The following PCDHA13 variants were observed in gnomAD, a reference collection of about 807,000 sequenced individuals.
PCDHA13 encodes protocadherin alpha 13, also known as protocadherin alpha-13.
In PCDHA13, 54 loss-of-function variants were observed where a neutral mutation model predicts 64.8. The observed-to-expected ratio is 0.83, with a 90% confidence interval of 0.67 to 1.04. The LOEUF is 1.04. Ranked by LOEUF, PCDHA13 falls within the 50% of genes least tolerant of loss-of-function variation. The probability of loss-of-function intolerance (pLI) is 0.00; values close to 1 mark genes in which losing one functional copy is unlikely to be tolerated. For missense variants in PCDHA13, 1,248 were observed against 1,254.3 expected (o/e 0.99, Z 0.08); for synonymous variants, 587 against 564.4 (o/e 1.04, Z -0.57).
At chr5:140,978,222 G>A (rs997273847) in intron 1 of PCDHA13, among the ~76,000 whole-genome samples, 7 of 152,298 alleles carry the variant, frequency 4.6e-5, no homozygotes, top group East Asian at 1.9e-4. Context: ...AATGTATCAG[G>A]TTTTTCTTGG....
intron 1 of PCDHA13, among the ~76,000 whole-genome samples, chr5:140,886,185 G>A (rs2060887176): frequency 6.6e-6 from 1 of 152,072 alleles, no homozygotes; most frequent in African/African-American, 2.4e-5. Context: ...CCTAATGCTG[G>A]CAAGCAGTAA....
Position 140,883,458 on chromosome 5 carries a change from T to G in PCDHA13, c.1190T>G (p.Leu397Arg), listed in dbSNP as rs1315500498. ...CTLTPHVPFK[L>R]VSTYKNYYSL... ...TTGACGCCGCATGTCCCCTTCAAGC[T>G]GGTGTCCACCTACAAGAACTACTAC... The change falls in exon 1 of 4, where the codon CTG (leucine) becomes CGG (arginine). Residue 397 changes from leucine to arginine, a missense_variant. Physicochemically the swap from Leu to Arg is moderately radical, Grantham distance 102 (BLOSUM62 -2). Coordinates refer to ENST00000289272, the MANE Select transcript of PCDHA13 (RefSeq NM_018904.3). 13 of 1,614,058 alleles carry G rather than the reference T, an allele frequency of 8.1e-6. No individual in the cohort carries two copies. Among genetic ancestry groups the G allele is most frequent in the Non-Finnish European group, 1.1e-5 (13 of 1,180,042 alleles).
At position 140,978,793 on chromosome 5, in the gene PCDHA13, A is replaced by G. The variant is rs1241254692; in HGVS notation, c.2395-156A>G. 4.1e-6 allele frequency: 4 copies of G among 977,674 alleles called. No individual in the cohort carries two copies. In the African/African-American group the frequency reaches 7.0e-5, roughly 17 times the overall value. The allele number at this position is 977,674 out of a possible 1,614,324, so 60.6% of individuals were successfully genotyped here. On this transcript the variant is annotated intron_variant, in intron 1 of 3. Coordinates refer to ENST00000289272, the MANE Select transcript of PCDHA13 (RefSeq NM_018904.3). ...CTAATTTTCTTCTAAAGTGCTATAT[A>G]TGTAGATATCATCATAGAGTTACAC... is the stretch of plus-strand genomic sequence containing the variant.
chr5:140,905,632 G>GCCA (rs2071986222), intron 1 of PCDHA13, among the ~76,000 whole-genome samples: 1 of 152,106 alleles, frequency 6.6e-6, no homozygotes, highest in South Asian at 2.1e-4. Flanking sequence ...TGACAGTATG[G>GCCA]TCAGTTTCAC....
At chr5:140,941,210 TC>T (rs2092849552) in intron 1 of PCDHA13, among the ~76,000 whole-genome samples, 1 of 100,630 alleles carries the variant, frequency 9.9e-6, no homozygotes, top group African/African-American at 5.4e-5. Flanking sequence ...TTCCTTTCTT[TC>T]TTCCTTTCTT....
At chr5:140,886,680 G>A (rs1554182653) in intron 1 of PCDHA13, among the ~76,000 whole-genome samples, 1 of 151,946 alleles carries the variant, frequency 6.6e-6, no homozygotes, top group Non-Finnish European at 1.5e-5. Flanking sequence ...ACAAAAATTA[G>A]CGAGGCATGG....
chr5:140,939,388 A>C, intron 1 of PCDHA13, among the ~76,000 whole-genome samples: 1 of 152,232 alleles, frequency 6.6e-6, no homozygotes, highest in East Asian at 1.9e-4. Context: ...CATTCAGATC[A>C]TAGCAAGTTT....
intron 1 of PCDHA13, among the ~76,000 whole-genome samples, chr5:140,964,203 C>T (rs2095816993): frequency 6.6e-6 from 1 of 152,212 alleles, no homozygotes; most frequent in African/African-American, 2.4e-5. Context: ...TATACCATCT[C>T]TTTAGTACAA....
Position 141,009,718 on chromosome 5 carries a change from A to C in PCDHA13, c.2634A>C (p.Gln878His). The change falls in exon 4 of 4, where the codon CAA becomes CAC. Residue 878 changes from glutamine to histidine, a missense_variant. Coordinates refer to ENST00000289272, the MANE Select transcript of PCDHA13 (RefSeq NM_018904.3). Reference protein sequence around the residue: ...TFKYGPGNPKQSGPGELPDKF... With the variant: ...TFKYGPGNPKHSGPGELPDKF... Reference sequence around the variant, plus strand: ...AATACGGACCAGGCAACCCCAAACAATCCGGTCCCGGTGAGTTGCCCGACA... The same window carrying C: ...AATACGGACCAGGCAACCCCAAACACTCCGGTCCCGGTGAGTTGCCCGACA... 6.2e-7 allele frequency: 1 copy of C among 1,614,044 alleles called. No individual in the cohort carries two copies. Among genetic ancestry groups the C allele is most frequent in the Non-Finnish European group, 8.5e-7 (1 of 1,180,018 alleles).
chr5:140,915,771 G>T (rs1351294387), intron 1 of PCDHA13, among the ~76,000 whole-genome samples: 1 of 151,922 alleles, frequency 6.6e-6, no homozygotes, highest in Non-Finnish European at 1.5e-5. Flanking sequence ...TCTTGTCCAA[G>T]GCCTGCTGTA....
chr5:141,009,953 A>G lies in PCDHA13; in HGVS notation c.*16A>G, dbSNP rs782663496. 3 of 1,592,888 alleles carry G rather than the reference A, an allele frequency of 1.9e-6. No homozygotes were observed. Among genetic ancestry groups the G allele is most frequent in the Non-Finnish European group, 2.6e-6 (3 of 1,172,546 alleles). On this transcript the variant is annotated 3_prime_UTR_variant, in exon 4 of 4. Transcript: ENST00000289272. ...TGACCAGTGAGGTCCTCAAATGGAA[A>G]CAAGCCACTTAGCCAGTTTTTGTAA...
chr5:140,967,299 G>T, intron 1 of PCDHA13: 3 of 1,612,674 alleles, frequency 1.9e-6, no homozygotes, highest in Non-Finnish European at 2.5e-6. Flanking sequence ...CCCGACGTGG[G>T]CGCCAACTCA....
intron 1 of PCDHA13, among the ~76,000 whole-genome samples, chr5:140,961,479 C>A (rs2095615905): frequency 6.6e-6 from 1 of 152,108 alleles, no homozygotes; most frequent in Admixed American, 6.6e-5. Context: ...TTTGTCTTGT[C>A]CACGTGAGTA....
chr5:140,966,541 G>A (rs2096018356), intron 1 of PCDHA13: 2 of 462,844 alleles, frequency 4.3e-6, no homozygotes, highest in Admixed American at 4.3e-5. Context: ...TGAGCGACTC[G>A]GAGGCGAGCG....
rs1588262423 is a variant in PCDHA13 at position 141,011,885 on chromosome 5, T to C, written c.*1948T>C. 1 of 153,482 alleles carries C rather than the reference T, an allele frequency of 6.5e-6. No homozygotes were observed. The highest frequency in any genetic ancestry group is 1.9e-4 in the East Asian group (1 of 5,202). 9.5% of individuals were successfully genotyped at this position (153,482 alleles called of 1,614,324 possible). ...ATAATGTACAATTTAGAAGTTTGATTAATTATATTATCTATTTAGGCATTA... is the reference window on the plus strand; with the variant it reads ...ATAATGTACAATTTAGAAGTTTGATCAATTATATTATCTATTTAGGCATTA... On this transcript the variant is annotated 3_prime_UTR_variant, in exon 4 of 4. Transcript: ENST00000289272.
At chr5:140,920,133 C>T (rs1463322279) in intron 1 of PCDHA13, among the ~76,000 whole-genome samples, 1 of 152,178 alleles carries the variant, frequency 6.6e-6, no homozygotes, top group African/African-American at 2.4e-5. Flanking sequence ...AGTTTTAATT[C>T]TCCTCTCCAA....
Position 140,924,253 on chromosome 5 carries a change from A to T in PCDHA13, c.2394+39591A>T, listed in dbSNP as rs550218351. ...ATGGGCTGTTTTGCATCCTGGTGAGATCTAATGAGGTCTGTACTTGTGACT... is the reference window on the plus strand; with the variant it reads ...ATGGGCTGTTTTGCATCCTGGTGAGTTCTAATGAGGTCTGTACTTGTGACT... On this transcript the variant is annotated intron_variant, in intron 1 of 3. Coordinates refer to ENST00000289272, the MANE Select transcript of PCDHA13 (RefSeq NM_018904.3). Among the ~76,000 whole-genome samples, 68 of 152,330 alleles carry T rather than the reference A, an allele frequency of 4.5e-4. No homozygotes were observed. In the South Asian group the frequency reaches 0.013, roughly 29 times the overall value.
chr5:141,006,436 A>G (rs2153987648), intron 3 of PCDHA13, among the ~76,000 whole-genome samples: 1 of 152,098 alleles, frequency 6.6e-6, no homozygotes, highest in African/African-American at 2.4e-5. Context: ...GATGGTCTCA[A>G]TCTCCTGACC....
At position 140,884,631 on chromosome 5, in the gene PCDHA13, A is replaced by G; in HGVS notation, c.2363A>G (p.Gln788Arg). ...CTGGGTTCTGCAGAGGGAACAGGCC[A>G]GAGGGAGGAGGACTCAGAATGCTTG... ...PCLGSAEGTGQREEDSECLKE... is the reference protein window; with the variant it reads ...PCLGSAEGTGRREEDSECLKE... Residue 788 changes from glutamine (Q) to arginine (R), a missense_variant, in exon 1 of 4, where the codon CAG becomes CGG. Coordinates refer to ENST00000289272, the MANE Select transcript of PCDHA13 (RefSeq NM_018904.3). The G allele has an allele frequency of 2.5e-6, 4 of 1,612,580 alleles. No homozygotes were observed. The highest frequency in any genetic ancestry group is 3.4e-6 in the Non-Finnish European group (4 of 1,179,428).
Sources: allele counts gnomAD v4.1 joint callset (sites outside exome capture counted in the v4.1 genomes callset), GRCh38; gene constraint gnomAD v4.1.1; transcripts MANE v1.5; gene names NCBI Gene and HGNC (gene_info 2026-07-23, HGNC 2026-07-21).